The following FRMD5 variants were observed in gnomAD, a reference collection of about 807,000 sequenced individuals.
FRMD5 encodes the protein FERM domain containing 5, also known as FERM domain-containing protein 5.
In FRMD5, 20 loss-of-function variants were observed where a neutral mutation model predicts 69.0. The observed-to-expected ratio is 0.29, with a 90% CI of 0.20 to 0.42. The LOEUF is 0.42. FRMD5 is among the 10% of genes least tolerant of loss of function. The pLI is 1.00. For synonymous variants in FRMD5, 271 were observed against 260.1 expected, an observed-to-expected ratio of 1.04 and a Z score of -0.40; for missense variants, 595 against 708.6, an observed-to-expected ratio of 0.84 and a Z score of 1.82.
intron 1 of FRMD5, among the ~76,000 whole-genome samples, chr15:44,087,179 T>C (rs79193534): frequency 0.034 from 5,247 of 152,146 alleles, 273 homozygotes; most frequent in African/African-American, 0.11. Flanking sequence ...GTAACACACC[T>C]GGCTAACTTT....
At chr15:43,980,064 G>A (rs953256219) in intron 1 of FRMD5, among the ~76,000 whole-genome samples, 9 of 152,094 alleles carry the variant, frequency 5.9e-5, no homozygotes, top group African/African-American at 1.7e-4. Context: ...TTTTTGCTTC[G>A]AAATACTAGT....
intron 1 of FRMD5, among the ~76,000 whole-genome samples, chr15:44,125,590 A>G (rs890434407): frequency 6.6e-6 from 1 of 152,222 alleles, no homozygotes; most frequent in African/African-American, 2.4e-5. Flanking sequence ...GAGATCATGA[A>G]ATTCTTAGAC....
intron 1 of FRMD5, among the ~76,000 whole-genome samples, chr15:43,946,216 T>C (rs2089944788): frequency 6.6e-6 from 1 of 152,228 alleles, no homozygotes; most frequent in South Asian, 2.1e-4. Context: ...TGCAGCTGTA[T>C]CTATTTCTCT....
chr15:43,999,127 G>C (rs1451229826), intron 1 of FRMD5, among the ~76,000 whole-genome samples: 1 of 152,138 alleles, frequency 6.6e-6, no homozygotes, highest in African/African-American at 2.4e-5. Context: ...GAGTGTGGTG[G>C]TGTGATCTCG....
At chr15:44,164,611 T>C (rs2077678269) in intron 1 of FRMD5, among the ~76,000 whole-genome samples, 1 of 152,188 alleles carries the variant, frequency 6.6e-6, no homozygotes, top group South Asian at 2.1e-4. Flanking sequence ...CTGCTCAACA[T>C]GGGAACTACT....
intron 1 of FRMD5, among the ~76,000 whole-genome samples, chr15:44,046,890 T>C (rs1892450513): frequency 6.6e-6 from 1 of 152,226 alleles, no homozygotes; most frequent in Non-Finnish European, 1.5e-5. Flanking sequence ...TTTTCTACAC[T>C]GAATACCAAC....
intron 1 of FRMD5, among the ~76,000 whole-genome samples, chr15:44,073,666 T>C (rs1332645976): frequency 6.6e-6 from 1 of 152,124 alleles, no homozygotes; most frequent in Non-Finnish European, 1.5e-5. Context: ...CAAGGGTCAC[T>C]CTCTAATGGA....
At chr15:44,182,055 G>C (rs1353411245) in intron 1 of FRMD5, among the ~76,000 whole-genome samples, 2 of 150,568 alleles carry the variant, frequency 1.3e-5, no homozygotes, top group South Asian at 4.2e-4. Flanking sequence ...CTGTCGCCCA[G>C]GCTGAAGTCT....
intron 1 of FRMD5, 49 bp from the exon 2 acceptor site, chr15:43,924,358 T>TA (rs2089545825): frequency 7.4e-7 from 1 of 1,344,892 alleles, no homozygotes; most frequent in Non-Finnish European, 1.0e-6. Context: ...TTCTTCAGTG[T>TA]AACTTTTTTT....
chr15:43,891,532 T>C (rs2088792698), intron 8 of FRMD5, among the ~76,000 whole-genome samples: 1 of 152,182 alleles, frequency 6.6e-6, no homozygotes, highest in South Asian at 2.1e-4. Context: ...AGGACTTATA[T>C]CTGCCCCAGA....
chr15:43,934,087 T>C lies in FRMD5; in HGVS notation c.103-9778A>G, dbSNP rs1014466241. 2.6e-5 allele frequency among the ~76,000 whole-genome samples: 4 copies of C among 152,324 alleles called. No individual in the cohort carries two copies. The East Asian group carries it at 7.7e-4, about 29-fold the overall frequency. On this transcript the variant is annotated intron_variant, in intron 1 of 13. Coordinates refer to ENST00000417257, the MANE Select transcript of FRMD5 (RefSeq NM_032892.5). Reference sequence around the variant, plus strand: ...AGGCTCCTTAGTCAGAATTCTGTCTTGGCTGTCAAGACCAGCCTTCTCCTT... The same window carrying C: ...AGGCTCCTTAGTCAGAATTCTGTCTCGGCTGTCAAGACCAGCCTTCTCCTT...
At chr15:44,067,325 T>C (rs922706907) in intron 1 of FRMD5, among the ~76,000 whole-genome samples, 2 of 152,168 alleles carry the variant, frequency 1.3e-5, no homozygotes, top group Non-Finnish European at 2.9e-5. Context: ...GTTAAAATAT[T>C]GCTTAGACAC....
At chr15:44,174,583 T>G (rs2077860634) in intron 1 of FRMD5, among the ~76,000 whole-genome samples, 1 of 152,214 alleles carries the variant, frequency 6.6e-6, no homozygotes, top group South Asian at 2.1e-4. Context: ...TCAGTACAGC[T>G]AACTCATGAA....
At chr15:44,010,886 A>C (rs896795472) in intron 1 of FRMD5, among the ~76,000 whole-genome samples, 2 of 152,158 alleles carry the variant, frequency 1.3e-5, no homozygotes, top group Admixed American at 6.5e-5. Flanking sequence ...TTAAAAAAAA[A>C]ATGCTTCAGT....
intron 13 of FRMD5, among the ~76,000 whole-genome samples, chr15:43,883,320 ACTC>A (rs2088581803): frequency 6.6e-6 from 1 of 151,182 alleles, no homozygotes; most frequent in African/African-American, 2.4e-5. Context: ...CTGGTCTTGA[ACTC>A]CTGACCTCAA....
intron 2 of FRMD5, among the ~76,000 whole-genome samples, chr15:43,922,058 G>A (rs529277078): frequency 1.3e-5 from 2 of 152,128 alleles, no homozygotes; most frequent in Non-Finnish European, 2.9e-5. Context: ...CTCTCTACAG[G>A]TCCCCATTTC....
intron 1 of FRMD5, among the ~76,000 whole-genome samples, chr15:44,064,494 C>G (rs377552025): frequency 2.9e-4 from 44 of 152,206 alleles, no homozygotes; most frequent in African/African-American, 1.0e-3. Context: ...GAGGCTGAGG[C>G]AGGAGAATTG....
chr15:43,928,828 G>C (rs189258258), intron 1 of FRMD5, among the ~76,000 whole-genome samples: 1 of 152,294 alleles, frequency 6.6e-6, no homozygotes, highest in African/African-American at 2.4e-5. Flanking sequence ...GGTGATTACT[G>C]TTTAGTCACA....
chr15:43,956,533 A>G (rs2090118471), intron 1 of FRMD5, among the ~76,000 whole-genome samples: 1 of 152,170 alleles, frequency 6.6e-6, no homozygotes. Flanking sequence ...TTAATTAGAA[A>G]CACCTGCTCA....
Sources: allele counts gnomAD v4.1 joint callset (sites outside exome capture counted in the v4.1 genomes callset), GRCh38; gene constraint gnomAD v4.1.1; transcripts MANE v1.5; gene names NCBI Gene and HGNC (gene_info 2026-07-23, HGNC 2026-07-21).